The following PREX2 variants were observed in gnomAD, a reference collection of about 807,000 sequenced individuals.
PREX2 encodes the protein phosphatidylinositol-3,4,5-trisphosphate dependent Rac exchange factor 2, also known as phosphatidylinositol 3,4,5-trisphosphate-dependent Rac exchanger 2 protein.
In PREX2, 107 loss-of-function variants were observed where a neutral mutation model predicts 203.2. The ratio of observed to expected loss-of-function variants is 0.53; its 90% CI spans 0.45 to 0.62. PREX2 has a LOEUF of 0.62. Among genes scored for constraint, PREX2 ranks in the 20% least tolerant of loss-of-function variants. The pLI is 0.00. For missense variants in PREX2, 1,777 were observed against 1,955.9 expected (o/e 0.91, Z 1.72); for synonymous variants, 672 against 663.6 (o/e 1.01, Z -0.19).
At chr8:68,058,150 C>G (rs1022267589) in intron 10 of PREX2, among the ~76,000 whole-genome samples, 4 of 152,264 alleles carry the variant, frequency 2.6e-5, no homozygotes, top group African/African-American at 9.6e-5. Context: ...CCTGAGTAGG[C>G]CCAATGATAA....
At chr8:68,092,007 A>G (rs1809891526) in intron 20 of PREX2, among the ~76,000 whole-genome samples, 1 of 152,088 alleles carries the variant, frequency 6.6e-6, no homozygotes, top group African/African-American at 2.4e-5. Context: ...GGTGGTTCCT[A>G]TGAGGTTACT....
chr8:68,213,671 C>T (rs970025716), intron 37 of PREX2, among the ~76,000 whole-genome samples: 1 of 152,128 alleles, frequency 6.6e-6, no homozygotes, highest in African/African-American at 2.4e-5. Flanking sequence ...ATTCTCAGTA[C>T]AAAATATGTC....
At chr8:68,058,085 C>A (rs139249737) in intron 10 of PREX2, among the ~76,000 whole-genome samples, 134 of 152,334 alleles carry the variant, frequency 8.8e-4, no homozygotes, top group Admixed American at 4.9e-3. Context: ...AGTTTGAGAT[C>A]ATTTCTGAGT....
intron 1 of PREX2, among the ~76,000 whole-genome samples, chr8:67,986,116 A>C (rs984618299): frequency 2.0e-5 from 3 of 152,148 alleles, no homozygotes; most frequent in Admixed American, 2.0e-4. Flanking sequence ...AGACAGGAAA[A>C]ATGGGGGAAA....
intron 27 of PREX2, 186 bp downstream of exon 27, chr8:68,118,830 AG>A (rs1810710706): frequency 1.4e-6 from 1 of 729,262 alleles, no homozygotes; most frequent in Non-Finnish European, 2.5e-6. Context: ...CCCATTTTAA[AG>A]GGAGTGAGTT....
intron 1 of PREX2, among the ~76,000 whole-genome samples, chr8:67,992,180 C>T (rs6995978): frequency 0.48 from 73,238 of 151,752 alleles, 18,041 homozygotes; most frequent in South Asian, 0.61. Flanking sequence ...AGCTAAGATA[C>T]GAGTGCTGGA....
At chr8:68,088,342 A>G (rs545655801) in intron 19 of PREX2, among the ~76,000 whole-genome samples, 3 of 152,296 alleles carry the variant, frequency 2.0e-5, no homozygotes, top group African/African-American at 4.8e-5. Flanking sequence ...TATCATATGT[A>G]TTTTTTAAAT....
At chr8:68,114,189 T>A in intron 25 of PREX2, 1 of 363,322 alleles carries the variant, frequency 2.8e-6, no homozygotes, top group East Asian at 8.1e-5. Flanking sequence ...AACTACTATA[T>A]CCACAGCACC....
chr8:68,097,352 T>C, intron 22 of PREX2, 151 bp downstream of exon 22: 2 of 636,772 alleles, frequency 3.1e-6, no homozygotes, highest in Non-Finnish European at 5.2e-6. Flanking sequence ...TGAGACAGAA[T>C]ATCACTCTGT....
chr8:68,192,533 ACCCT>A lies in PREX2; in HGVS notation c.4604+12_4604+15del. The A allele has an allele frequency of 6.3e-7, 1 of 1,591,542 alleles. No individual in the cohort carries two copies. Among genetic ancestry groups the A allele is most frequent in the Non-Finnish European group, 8.6e-7 (1 of 1,166,932 alleles). ...CAGCAGCGGTGTGCATCGGTATGTG[ACCCT>A]CCCGCCTTGCTTGCCTCTTTGTTAG... On this transcript the variant is annotated intron_variant, in intron 37 of 39. Transcript: ENST00000288368.
intron 26 of PREX2, among the ~76,000 whole-genome samples, chr8:68,117,722 A>AC (rs1810685846): frequency 6.6e-6 from 1 of 152,200 alleles, no homozygotes; most frequent in South Asian, 2.1e-4. Flanking sequence ...TCACACACAA[A>AC]CATATTGAAC....
At chr8:67,953,606 T>A (rs1023854411) in intron 1 of PREX2, among the ~76,000 whole-genome samples, 5 of 152,110 alleles carry the variant, frequency 3.3e-5, no homozygotes, top group Non-Finnish European at 7.4e-5. Flanking sequence ...ACTTCCTGCT[T>A]AGTGTTCTGA....
intron 38 of PREX2, among the ~76,000 whole-genome samples, chr8:68,224,045 G>T (rs1228574540): frequency 6.6e-6 from 1 of 151,864 alleles, no homozygotes; most frequent in Non-Finnish European, 1.5e-5. Flanking sequence ...GTGAGAGAGG[G>T]TCTCATTCTG....
intron 1 of PREX2, among the ~76,000 whole-genome samples, chr8:68,017,289 TG>T (rs1807434349): frequency 6.6e-6 from 1 of 152,168 alleles, no homozygotes; most frequent in South Asian, 2.1e-4. Context: ...CTTAAAAGGC[TG>T]GGGGTGGGCA....
chr8:68,155,428 G>T (rs1328485427), intron 34 of PREX2, among the ~76,000 whole-genome samples: 1 of 151,932 alleles, frequency 6.6e-6, no homozygotes, highest in African/African-American at 2.4e-5. Context: ...ATTTGACATG[G>T]ATCTTTAAAA....
At chr8:68,085,409 A>G (rs1242673142) in intron 18 of PREX2, among the ~76,000 whole-genome samples, 1 of 152,206 alleles carries the variant, frequency 6.6e-6, no homozygotes, top group Non-Finnish European at 1.5e-5. Context: ...ATTCTAATGT[A>G]TGAGTTCTAT....
chr8:68,032,500 C>CA (rs1396630242), intron 6 of PREX2, among the ~76,000 whole-genome samples: 1 of 152,114 alleles, frequency 6.6e-6, no homozygotes, highest in Admixed American at 6.5e-5. Flanking sequence ...CAGCTTGGAG[C>CA]AGGGCCCAGT....
chr8:68,017,375 A>G (rs918841059), intron 1 of PREX2, among the ~76,000 whole-genome samples: 8 of 152,064 alleles, frequency 5.3e-5, no homozygotes, highest in African/African-American at 1.9e-4. Context: ...ATAGCTATCT[A>G]TCTATCTATC....
intron 23 of PREX2, chr8:68,101,370 T>G (rs770446781): frequency 2.7e-5 from 14 of 518,764 alleles, no homozygotes; most frequent in Non-Finnish European, 4.6e-5. Context: ...GAGTTGAGTT[T>G]GCATTACTAT....
Sources: allele counts gnomAD v4.1 joint callset (sites outside exome capture counted in the v4.1 genomes callset), GRCh38; gene constraint gnomAD v4.1.1; transcripts MANE v1.5; gene names NCBI Gene and HGNC (gene_info 2026-07-23, HGNC 2026-07-21).